The following GTF2A1L variants were observed in gnomAD, a reference collection of about 807,000 sequenced individuals.
GTF2A1L encodes general transcription factor IIA subunit 1 like, also known as TFIIA-alpha and beta-like factor.
GTF2A1L carries 48 observed loss-of-function variants against 49.7 expected under a neutral mutation model. The observed-to-expected ratio is 0.97, with a 90% CI of 0.77 to 1.23. The LOEUF (loss-of-function observed/expected upper bound fraction) is 1.23. Among genes scored for constraint, GTF2A1L ranks in the 50% most tolerant of loss-of-function variants. GTF2A1L has a pLI of 0.00. For synonymous variants in GTF2A1L, 246 were observed against 193.5 expected (o/e 1.27, Z -2.25); for missense variants, 736 against 564.8 (o/e 1.30, Z -3.07).
chr2:48,655,776 G>C (rs1467050572), intron 6 of GTF2A1L, among the ~76,000 whole-genome samples: 1 of 151,932 alleles, frequency 6.6e-6, no homozygotes, highest in African/African-American at 2.4e-5. Flanking sequence ...TTGTTGTGTA[G>C]CTATCACCAC....
At position 48,661,627 on chromosome 2, in the gene GTF2A1L, AT is replaced by A. The variant is rs562769590; in HGVS notation, c.979-8093del. 4.9e-3 allele frequency among the ~76,000 whole-genome samples: 747 copies of A among 152,086 alleles called. 7 individuals are homozygous for A. The highest frequency in any genetic ancestry group is 0.017 in the African/African-American group (714 of 41,486). The stretch of plus-strand genomic sequence containing the variant: ...ATTGTTATATCGTCTTGGTATATTG[AT>A]TATTTTATCATTATGTGATTAAAAA... On this transcript the variant is annotated intron_variant, in intron 6 of 8. Transcript: ENST00000403751.
intron 1 of GTF2A1L, chr2:48,618,215 ACCTC>A: frequency 3.1e-6 from 1 of 326,686 alleles, no homozygotes; most frequent in Non-Finnish European, 5.6e-6. Context: ...ATACTAGAAA[ACCTC>A]CAAGTTCGGT....
chr2:48,657,037 G>A (rs1296014963), intron 6 of GTF2A1L, among the ~76,000 whole-genome samples: 1 of 151,908 alleles, frequency 6.6e-6, no homozygotes, highest in Non-Finnish European at 1.5e-5. Context: ...TTATTTTATT[G>A]GTGTATACAC....
Position 48,621,131 on chromosome 2 carries a change from T to C in GTF2A1L, c.124-36T>C, listed in dbSNP as rs769630193. The C allele has an allele frequency of 1.9e-6, 3 of 1,587,686 alleles. No individual in the cohort carries two copies. The African/African-American group carries it at 4.1e-5, about 22-fold the overall frequency. ...AGAAGTATCATTATATGTGTATATA[T>C]TTTTTTAAAGTAAACTTTTTTTTTC... On this transcript the variant is annotated intron_variant, in intron 2 of 8. Coordinates refer to ENST00000403751, the MANE Select transcript of GTF2A1L (RefSeq NM_006872.5).
In GTF2A1L at chr2:48,646,746, G is replaced by T. The variant is rs61754876; in HGVS notation, c.682G>T (p.Val228Leu). The part of the protein sequence containing the change: ...LVSPGNEHKI[V>L]PEALLCHQES... Reference sequence around the variant, plus strand: ...ATCTCCTGGAAATGAGCATAAAATCGTGCCTGAAGCTTTGTTGTGTCATCA... The same window carrying T: ...ATCTCCTGGAAATGAGCATAAAATCTTGCCTGAAGCTTTGTTGTGTCATCA... Residue 228 changes from valine (V) to leucine (L), a missense_variant, in exon 6 of 9, where the codon GTG (valine) becomes TTG (leucine). Transcript: ENST00000403751. 2,155 of 1,614,098 alleles carry T rather than the reference G, an allele frequency of 1.3e-3. 17 individuals carry two copies. The African/African-American group carries it at 0.025, about 19-fold the overall frequency.
At chr2:48,672,932 G>A (rs553602666) in intron 8 of GTF2A1L, among the ~76,000 whole-genome samples, 21 of 152,256 alleles carry the variant, frequency 1.4e-4, no homozygotes, top group Admixed American at 5.9e-4. Context: ...TCTTAGTGCA[G>A]TATTCTCCCC....
At chr2:48,624,788 G>A (rs1001483140) in intron 3 of GTF2A1L, among the ~76,000 whole-genome samples, 3 of 141,398 alleles carry the variant, frequency 2.1e-5, no homozygotes, top group Non-Finnish European at 4.7e-5. Flanking sequence ...ATATAAATGA[G>A]ATCATGCAAT....
At chr2:48,634,399 C>T (rs375956084) in intron 3 of GTF2A1L, among the ~76,000 whole-genome samples, 23 of 152,322 alleles carry the variant, frequency 1.5e-4, no homozygotes, top group East Asian at 7.7e-4. Context: ...GCATGAGCCA[C>T]TGTGTCTCTG....
At chr2:48,652,006 T>C (rs1677878970) in intron 6 of GTF2A1L, among the ~76,000 whole-genome samples, 1 of 152,164 alleles carries the variant, frequency 6.6e-6, no homozygotes, top group African/African-American at 2.4e-5. Flanking sequence ...TCAGAAGAGA[T>C]TGGAGTCAGA....
chr2:48,619,158 C>G (rs540409944), intron 1 of GTF2A1L, among the ~76,000 whole-genome samples: 1 of 152,210 alleles, frequency 6.6e-6, no homozygotes, highest in African/African-American at 2.4e-5. Context: ...AGGATTAAAG[C>G]ATAGCTTTAA....
intron 6 of GTF2A1L, among the ~76,000 whole-genome samples, chr2:48,666,237 G>T (rs1678833126): frequency 6.7e-6 from 1 of 149,388 alleles, no homozygotes; most frequent in African/African-American, 2.5e-5. Context: ...ATGGTGTCTC[G>T]CTCTGTCACC....
intron 1 of GTF2A1L, among the ~76,000 whole-genome samples, chr2:48,619,132 A>G (rs1675829626): frequency 6.6e-6 from 1 of 152,154 alleles, no homozygotes; most frequent in Non-Finnish European, 1.5e-5. Context: ...GTATAGGTTT[A>G]CCCTGGGTCT....
At chr2:48,642,270 C>T in intron 3 of GTF2A1L, 132 bp from the exon 4 acceptor site, 1 of 841,236 alleles carries the variant, frequency 1.2e-6, no homozygotes, top group East Asian at 3.0e-5. Flanking sequence ...CACTTGGAAT[C>T]AGGAAGTTTA....
rs1373507267 is a variant in GTF2A1L at position 48,645,822 on chromosome 2, G to C, written c.389-631G>C. Reference sequence around the variant, plus strand: ...GGCCACCACGCCCGGCTAATTTTTTGTATTTTTAGTAGAGACAGGGTTTCA... The same window carrying C: ...GGCCACCACGCCCGGCTAATTTTTTCTATTTTTAGTAGAGACAGGGTTTCA... On this transcript the variant is annotated intron_variant, in intron 5 of 8. Transcript: ENST00000403751. Among the ~76,000 whole-genome samples, 3 of 151,998 alleles carry C rather than the reference G, an allele frequency of 2.0e-5. No homozygotes were observed. The East Asian group carries it at 5.8e-4, about 29-fold the overall frequency.
intron 8 of GTF2A1L, among the ~76,000 whole-genome samples, chr2:48,675,857 A>ATT (rs1679440839): frequency 6.6e-6 from 1 of 151,664 alleles, no homozygotes; most frequent in South Asian, 2.1e-4. Context: ...GTGTATATAT[A>ATT]GTCTCTTTAT....
At chr2:48,676,107 A>C (rs555395229) in intron 8 of GTF2A1L, among the ~76,000 whole-genome samples, 1 of 152,064 alleles carries the variant, frequency 6.6e-6, no homozygotes, top group South Asian at 2.1e-4. Context: ...AATACAAAAG[A>C]TAGCATAAAT....
intron 3 of GTF2A1L, among the ~76,000 whole-genome samples, chr2:48,638,639 A>G (rs965318139): frequency 5.3e-5 from 8 of 152,144 alleles, no homozygotes; most frequent in African/African-American, 1.7e-4. Context: ...GGAAAAGCTG[A>G]ATGCATTCCC....
chr2:48,670,816 C>CA (rs60278102), intron 7 of GTF2A1L, among the ~76,000 whole-genome samples: 33,479 of 151,814 alleles, frequency 0.22, 3,774 homozygotes, highest in South Asian at 0.25. Context: ...AATGGCCAAA[C>CA]GGGATTTATT....
At chr2:48,642,528 A>G in intron 4 of GTF2A1L, 71 bp downstream of exon 4, 1 of 1,395,186 alleles carries the variant, frequency 7.2e-7, no homozygotes, top group African/African-American at 1.4e-5. Context: ...AAAATGCTGA[A>G]CATAGATGTA....
Sources: allele counts gnomAD v4.1 joint callset (sites outside exome capture counted in the v4.1 genomes callset), GRCh38; gene constraint gnomAD v4.1.1; transcripts MANE v1.5; gene names NCBI Gene and HGNC (gene_info 2026-07-23, HGNC 2026-07-21).